Variants in SHISA6 observed in about 807,000 individuals in gnomAD.
The protein encoded by SHISA6 is protein shisa-6.
SHISA6 carries 22 observed loss-of-function variants against 47.9 expected under a neutral mutation model. The ratio of observed to expected loss-of-function variants is 0.46; its 90% CI spans 0.33 to 0.66. The LOEUF is 0.66. SHISA6 is among the 30% of genes least tolerant of loss of function. The probability of loss-of-function intolerance (pLI) is 0.02; values close to 1 mark genes in which losing one functional copy is unlikely to be tolerated. For missense variants in SHISA6, 680 were observed against 764.6 expected, an observed-to-expected ratio of 0.89 and a Z score of 1.30; for synonymous variants, 388 against 337.8, an observed-to-expected ratio of 1.15 and a Z score of -1.63.
At position 11,340,258 on chromosome 17, in the gene SHISA6, A is replaced by G. The variant is rs553733262; in HGVS notation, c.800-39156A>G. 1.9e-3 allele frequency among the ~76,000 whole-genome samples: 283 copies of G among 152,278 alleles called. 1 individual carries two copies. Among genetic ancestry groups the G allele is most frequent in the Middle Eastern group, 3.4e-3 (1 of 294 alleles). On this transcript the variant is annotated intron_variant, in intron 2 of 5. Coordinates refer to ENST00000441885, the MANE Select transcript of SHISA6 (RefSeq NM_207386.4). ...CCCAAATTAATGAATTAAGACAACC[A>G]CACTTTATTATTTCTTGCAATTCTG...
At chr17:11,336,037 T>TAAA (rs11376405) in intron 2 of SHISA6, among the ~76,000 whole-genome samples, 1 of 143,718 alleles carries the variant, frequency 7.0e-6, no homozygotes, top group African/African-American at 2.5e-5. Context: ...CGTCTCTACT[T>TAAA]AAAAAAAAAA....
chr17:11,554,010 G>A (rs1436749785), intron 4 of SHISA6, among the ~76,000 whole-genome samples: 15 of 152,148 alleles, frequency 9.9e-5, no homozygotes, highest in Non-Finnish European at 1.5e-5. Context: ...CTTGGCTCAG[G>A]GGTATGTCCT....
chr17:11,448,020 G>A (rs531943924), intron 3 of SHISA6, among the ~76,000 whole-genome samples: 2 of 152,208 alleles, frequency 1.3e-5, no homozygotes, highest in East Asian at 1.9e-4. Context: ...TGTGACAGTC[G>A]ATCGTGACTC....
chr17:11,526,481 C>G (rs1293820269), intron 3 of SHISA6, among the ~76,000 whole-genome samples: 1 of 152,170 alleles, frequency 6.6e-6, no homozygotes, highest in Non-Finnish European at 1.5e-5. Flanking sequence ...GAGCATCGCA[C>G]TTGTACTCTA....
intron 2 of SHISA6, among the ~76,000 whole-genome samples, chr17:11,305,276 A>G (rs1910070965): frequency 6.6e-6 from 1 of 152,246 alleles, no homozygotes; most frequent in South Asian, 2.1e-4. Flanking sequence ...AAAACTAGCT[A>G]CTTCATGGAT....
chr17:11,555,032 G>A (rs1398158613), intron 4 of SHISA6, among the ~76,000 whole-genome samples: 1 of 152,114 alleles, frequency 6.6e-6, no homozygotes, highest in Non-Finnish European at 1.5e-5. Context: ...CTATCTCAGG[G>A]GAAGGAAGGA....
intron 3 of SHISA6, among the ~76,000 whole-genome samples, chr17:11,432,984 A>C (rs1914828200): frequency 6.6e-6 from 1 of 152,222 alleles, no homozygotes; most frequent in Admixed American, 6.5e-5. Context: ...TTGTGGTAAC[A>C]GTTGCACAAC....
At chr17:11,557,362 G>C (rs1280781012) in intron 5 of SHISA6, among the ~76,000 whole-genome samples, 1 of 152,112 alleles carries the variant, frequency 6.6e-6, no homozygotes, top group East Asian at 1.9e-4. Context: ...GGACCAGGCG[G>C]AGTTCAGGGA....
At chr17:11,330,584 T>C (rs12603807) in intron 2 of SHISA6, among the ~76,000 whole-genome samples, 39,463 of 151,812 alleles carry the variant, frequency 0.26, 5,941 homozygotes, top group Non-Finnish European at 0.33. Flanking sequence ...TCTACAATTT[T>C]TGAGGTGTCC....
chr17:11,542,303 C>A (rs2071840613), intron 3 of SHISA6, among the ~76,000 whole-genome samples: 1 of 143,896 alleles, frequency 6.9e-6, no homozygotes. Context: ...TGGCCAGAGG[C>A]AGTTGGGAAG....
intron 2 of SHISA6, among the ~76,000 whole-genome samples, chr17:11,309,075 C>T (rs1272200322): frequency 6.6e-6 from 1 of 152,202 alleles, no homozygotes; most frequent in Non-Finnish European, 1.5e-5. Flanking sequence ...AGCAATCCTC[C>T]TCCCTCAGCC....
Position 11,551,949 on chromosome 17 carries a change from C to T in SHISA6, c.949C>T (p.His317Tyr). The T allele has an allele frequency of 1.3e-6, 2 of 1,551,658 alleles. No individual in the cohort carries two copies. Among genetic ancestry groups the T allele is most frequent in the Non-Finnish European group, 1.7e-6 (2 of 1,146,962 alleles). The stretch of plus-strand genomic sequence containing the variant: ...GAGCAGTGTTACCCAGATCCCGCCA[C>T]ATGGTGAGAGATGATTGAGAGCACT... ...ILSSVTQIPP[H>Y]EKPRMNNILT... Residue 317 changes from histidine (H) to tyrosine (Y), a missense_variant, in exon 4 of 6, where the codon CAT (histidine) becomes TAT (tyrosine). Coordinates refer to ENST00000441885, the MANE Select transcript of SHISA6 (RefSeq NM_207386.4).
chr17:11,413,364 A>G (rs1914191426), intron 3 of SHISA6, among the ~76,000 whole-genome samples: 1 of 152,190 alleles, frequency 6.6e-6, no homozygotes, highest in African/African-American at 2.4e-5. Context: ...TAGTTGCTTG[A>G]TGGCTGGGAA....
At chr17:11,531,956 C>G (rs549887828) in intron 3 of SHISA6, among the ~76,000 whole-genome samples, 2 of 152,228 alleles carry the variant, frequency 1.3e-5, no homozygotes, top group South Asian at 2.1e-4. Flanking sequence ...ATAAATATAT[C>G]CAGTTTATTA....
chr17:11,545,408 G>C (rs1179483027), intron 3 of SHISA6, among the ~76,000 whole-genome samples: 2 of 152,156 alleles, frequency 1.3e-5, no homozygotes, highest in African/African-American at 4.8e-5. Context: ...GGAAGGAAGT[G>C]GGTGCGGCTA....
At chr17:11,400,995 G>T (rs1038858882) in intron 3 of SHISA6, among the ~76,000 whole-genome samples, 2 of 152,106 alleles carry the variant, frequency 1.3e-5, no homozygotes, top group Non-Finnish European at 2.9e-5. Context: ...TAAACTGTTT[G>T]TTGCTTTATA....
chr17:11,535,426 G>T (rs2071778502), intron 3 of SHISA6, among the ~76,000 whole-genome samples: 2 of 152,216 alleles, frequency 1.3e-5, no homozygotes, highest in South Asian at 4.1e-4. Context: ...GAAGCTACAA[G>T]AATGCTGTCA....
At chr17:11,347,830 C>CT (rs1316199793) in intron 2 of SHISA6, among the ~76,000 whole-genome samples, 1 of 152,110 alleles carries the variant, frequency 6.6e-6, no homozygotes, top group Non-Finnish European at 1.5e-5. Context: ...GAGGTGACAG[C>CT]TGAGGTCACT....
intron 1 of SHISA6, among the ~76,000 whole-genome samples, chr17:11,251,652 C>T (rs569167410): frequency 2.2e-4 from 33 of 152,142 alleles, no homozygotes; most frequent in Non-Finnish European, 3.4e-4. Flanking sequence ...CATCTAGCAT[C>T]GTGCATGCAA....
Sources: allele counts gnomAD v4.1 joint callset (sites outside exome capture counted in the v4.1 genomes callset), GRCh38; gene constraint gnomAD v4.1.1; transcripts MANE v1.5; gene names NCBI Gene and HGNC (gene_info 2026-07-23, HGNC 2026-07-21).